The following GTF2F2 variants were observed in gnomAD, a reference collection of about 807,000 sequenced individuals.
The protein encoded by GTF2F2 is ATP-dependent helicase GTF2F2.
A neutral mutation model predicts 42.2 loss-of-function variants in GTF2F2; 23 were observed. That is an observed-to-expected ratio of 0.55 (90% CI 0.39 to 0.77). The LOEUF is 0.77. GTF2F2 is among the 30% of genes least tolerant of loss of function. The pLI is 0.00. For synonymous variants in GTF2F2, 105 were observed against 100.8 expected (o/e 1.04, Z -0.25); for missense variants, 261 against 287.2 (o/e 0.91, Z 0.66).
intron 4 of GTF2F2, among the ~76,000 whole-genome samples, chr13:45,174,460 G>GA (rs1379414724): frequency 1.3e-5 from 2 of 151,960 alleles, no homozygotes; most frequent in East Asian, 3.9e-4. Flanking sequence ...CATCCACAGA[G>GA]AAAACCATCA....
intron 4 of GTF2F2, among the ~76,000 whole-genome samples, chr13:45,163,504 C>G (rs1224188015): frequency 1.3e-5 from 2 of 151,786 alleles, no homozygotes; most frequent in Non-Finnish European, 2.9e-5. Flanking sequence ...CCACTGCACT[C>G]CAGCCTGGGC....
At position 45,149,774 on chromosome 13, in the gene GTF2F2, C is replaced by G; in HGVS notation, c.145C>G (p.Gln49Glu). The G allele has an allele frequency of 6.6e-7, 1 of 1,504,336 alleles. No individual in the cohort carries two copies. The highest frequency in any genetic ancestry group is 2.2e-5 in the Admixed American group (1 of 45,926). 93.2% of individuals were successfully genotyped at this position (1,504,336 alleles called of 1,614,324 possible). A position where few individuals can be genotyped will look rare whatever the true frequency, so the allele number is the denominator to read the frequency against. ...EVGKLRIAKTQGRTEVSFTLN... is the reference protein window; with the variant it reads ...EVGKLRIAKTEGRTEVSFTLN... The stretch of plus-strand genomic sequence containing the variant: ...ATTTCTTTTCCTCTCCTTTAGGACT[C>G]AAGGAAGGACTGAGGTAAGATTATT... The change falls in exon 3 of 8, where the codon CAA becomes GAA. Residue 49 changes from glutamine (Q) to glutamate (E), a missense_variant. Transcript: ENST00000340473.
chr13:45,190,905 C>T (rs118127740), intron 4 of GTF2F2, among the ~76,000 whole-genome samples: 5,619 of 147,640 alleles, frequency 0.038, 150 homozygotes, highest in Middle Eastern at 0.091. Context: ...TGTATGCCAC[C>T]ACGTGTGGCA....
chr13:45,138,992 A>G (rs1475778953), intron 2 of GTF2F2, among the ~76,000 whole-genome samples: 3 of 152,204 alleles, frequency 2.0e-5, no homozygotes, highest in East Asian at 1.9e-4. Flanking sequence ...AGAGCCCATC[A>G]TTAGAGTGAC....
At chr13:45,239,903 C>G (rs1341788634) in intron 5 of GTF2F2, among the ~76,000 whole-genome samples, 1 of 152,086 alleles carries the variant, frequency 6.6e-6, no homozygotes, top group Non-Finnish European at 1.5e-5. Context: ...TTCCCCCACT[C>G]TGCCCCTTAC....
In GTF2F2 at chr13:45,180,959, C is replaced by T. The variant is rs139989655; in HGVS notation, c.305-26465C>T. Among the ~76,000 whole-genome samples, 10 of 151,274 alleles carry T rather than the reference C, an allele frequency of 6.6e-5. No individual in the cohort carries two copies. The East Asian group carries it at 1.2e-3, about 18-fold the overall frequency. On this transcript the variant is annotated intron_variant, in intron 4 of 7. Coordinates refer to ENST00000340473, the MANE Select transcript of GTF2F2 (RefSeq NM_004128.3). ...GGAGGATCACTTGAGCCCAGGAGTT[C>T]GAGACCAGCCTGCCAGCACAGTGAA...
chr13:45,272,953 G>A (rs1474016216), intron 7 of GTF2F2, among the ~76,000 whole-genome samples: 1 of 114,744 alleles, frequency 8.7e-6, no homozygotes, highest in African/African-American at 3.5e-5. Flanking sequence ...TTGAGACGGA[G>A]TCTCACTCTG....
At chr13:45,197,547 G>A (rs1009591771) in intron 4 of GTF2F2, among the ~76,000 whole-genome samples, 1 of 150,390 alleles carries the variant, frequency 6.6e-6, no homozygotes, top group African/African-American at 2.4e-5. Context: ...AGGCCCCGCT[G>A]TATGCCTAAT....
At chr13:45,227,871 GA>G (rs770434384) in intron 5 of GTF2F2, among the ~76,000 whole-genome samples, 48 of 152,136 alleles carry the variant, frequency 3.2e-4, no homozygotes, top group Non-Finnish European at 5.4e-4. Context: ...GGGAATAAGG[GA>G]AAAATTTTCT....
At chr13:45,140,667 A>G (rs1236442810) in intron 2 of GTF2F2, among the ~76,000 whole-genome samples, 1 of 152,226 alleles carries the variant, frequency 6.6e-6, no homozygotes. Flanking sequence ...GAAAAATAAT[A>G]TTGAAATGTA....
chr13:45,153,253 C>T lies in GTF2F2; in HGVS notation c.304+1422C>T, dbSNP rs568200553. Reference sequence around the variant, plus strand: ...CAGGATGGTCTCGATCTCCTGACCTCGTGATCCGCCCGCCTCGGCCTCCCG... The same window carrying T: ...CAGGATGGTCTCGATCTCCTGACCTTGTGATCCGCCCGCCTCGGCCTCCCG... On this transcript the variant is annotated intron_variant, in intron 4 of 7. Coordinates refer to ENST00000340473, the MANE Select transcript of GTF2F2 (RefSeq NM_004128.3). Among the ~76,000 whole-genome samples the T allele has an allele frequency of 1.3e-4, 20 of 151,862 alleles. 1 individual carries two copies. The highest frequency in any genetic ancestry group is 4.1e-4 in the African/African-American group (17 of 41,432).
chr13:45,250,886 C>CT (rs1455462421), intron 5 of GTF2F2, among the ~76,000 whole-genome samples: 1 of 152,122 alleles, frequency 6.6e-6, no homozygotes, highest in Non-Finnish European at 1.5e-5. Context: ...CATAGAAACT[C>CT]TGTGTGGCAC....
intron 2 of GTF2F2, among the ~76,000 whole-genome samples, chr13:45,145,615 A>T (rs1870152405): frequency 1.3e-5 from 2 of 152,332 alleles, no homozygotes; most frequent in African/African-American, 4.8e-5. Flanking sequence ...ATAAAATACC[A>T]CATACTTTGT....
chr13:45,249,859 G>T, intron 5 of GTF2F2, among the ~76,000 whole-genome samples: 1 of 152,046 alleles, frequency 6.6e-6, no homozygotes, highest in South Asian at 2.1e-4. Context: ...TCAGAAACAG[G>T]CTGACACTTA....
At chr13:45,137,170 A>G (rs1332162570) in intron 2 of GTF2F2, among the ~76,000 whole-genome samples, 2 of 152,234 alleles carry the variant, frequency 1.3e-5, no homozygotes, top group Non-Finnish European at 2.9e-5. Flanking sequence ...AAGTACTTGC[A>G]GCAGGACTTT....
At chr13:45,245,680 T>TATAC (rs1367905947) in intron 5 of GTF2F2, among the ~76,000 whole-genome samples, 1 of 124,998 alleles carries the variant, frequency 8.0e-6, no homozygotes, top group East Asian at 2.1e-4. Context: ...TATATATATA[T>TATAC]ATATATATAT....
intron 4 of GTF2F2, among the ~76,000 whole-genome samples, chr13:45,166,538 C>G (rs185937745): frequency 3.9e-5 from 6 of 152,292 alleles, no homozygotes; most frequent in Non-Finnish European, 4.4e-5. Flanking sequence ...AGTACGAAAG[C>G]TGTGTTCACT....
At chr13:45,161,167 A>G (rs1316604053) in intron 4 of GTF2F2, among the ~76,000 whole-genome samples, 2 of 152,222 alleles carry the variant, frequency 1.3e-5, no homozygotes, top group Non-Finnish European at 2.9e-5. Flanking sequence ...GTAGCAAAAC[A>G]GTGATACAGT....
intron 6 of GTF2F2, among the ~76,000 whole-genome samples, chr13:45,254,641 A>C (rs1876024149): frequency 6.6e-6 from 1 of 152,212 alleles, no homozygotes; most frequent in Non-Finnish European, 1.5e-5. Flanking sequence ...TAGGCAGTCT[A>C]GCTTAGGAGC....
Sources: gnomAD v4.1 joint callset for allele counts (sites outside exome capture counted in the v4.1 genomes callset) on GRCh38, gnomAD v4.1.1 for gene constraint, MANE v1.5 for transcripts, NCBI Gene and HGNC (gene_info 2026-07-23, HGNC 2026-07-21) for gene names.